Variants in FBH1 observed in about 807,000 individuals in gnomAD.
FBH1 encodes the protein DNA 3'-5' helicase 1.
Under a neutral mutation model 115.5 loss-of-function variants are expected in FBH1, and 43 were observed. That is an observed-to-expected ratio of 0.37 (90% confidence interval 0.29 to 0.48). The LOEUF (loss-of-function observed/expected upper bound fraction) is 0.48, where lower values mean the gene tolerates loss of function less well. FBH1 is among the 20% of genes least tolerant of loss of function. The pLI is 0.99. For missense variants in FBH1, 1,001 were observed against 1,337.3 expected (o/e 0.75, Z 3.92); for synonymous variants, 524 against 507.8 (o/e 1.03, Z -0.43).
Position 5,906,120 on chromosome 10 carries a change from G to C in FBH1, c.241G>C (p.Val81Leu). ...CTNDMAKSNS[V>L]GQDSCQDSEG... ...CAATGACATGGCCAAAAGCAATTCT[G>C]TTGGCCAGGACAGCTGTCAGGACTC... The change falls in exon 3 of 21, where the codon GTT becomes CTT. Residue 81 changes from valine (V) to leucine (L), a missense_variant. Physicochemically the swap from Val to Leu is conservative, Grantham distance 32 (BLOSUM62 1). This residue lies in a region of FBH1 where 420 missense variants were observed against 430.4 expected (regional missense o/e 0.98). Transcript: ENST00000362091. The surrounding 1 kb of genome is among the most constrained non-coding windows in gnomAD (Gnocchi z 7.3). 1 of 1,614,146 alleles carries C rather than the reference G, an allele frequency of 6.2e-7. No homozygotes were observed. Among genetic ancestry groups the C allele is most frequent in the Admixed American group, 1.7e-5 (1 of 60,014 alleles).
chr10:5,930,042 G>A (rs2132109050), intron 19 of FBH1, among the ~76,000 whole-genome samples: 1 of 152,008 alleles, frequency 6.6e-6, no homozygotes, highest in South Asian at 2.1e-4. Context: ...GGCTACACAG[G>A]ACTTTTTGTT....
chr10:5,926,154 T>C (rs1319175242), intron 18 of FBH1, among the ~76,000 whole-genome samples: 1 of 152,188 alleles, frequency 6.6e-6, no homozygotes, highest in Non-Finnish European at 1.5e-5. Context: ...GGAGTCTCAC[T>C]CTGTCACCCA....
chr10:5,919,908 T>G (rs577015164), intron 13 of FBH1, among the ~76,000 whole-genome samples: 1 of 152,354 alleles, frequency 6.6e-6, no homozygotes, highest in East Asian at 1.9e-4. Flanking sequence ...CAGTTTCCCA[T>G]TACTAACATC....
intron 1 of FBH1, among the ~76,000 whole-genome samples, chr10:5,890,562 A>G (rs960517102): frequency 1.0e-4 from 15 of 149,912 alleles, no homozygotes; most frequent in African/African-American, 3.4e-4. Context: ...GGGGGAGGCC[A>G]GGGCGCTCAC....
chr10:5,902,505 C>A (rs1431905373), intron 1 of FBH1, among the ~76,000 whole-genome samples: 1 of 152,032 alleles, frequency 6.6e-6, no homozygotes, highest in East Asian at 1.9e-4. Context: ...TTTGCTGTGT[C>A]GCCCAGATTG....
rs1831409404 is a variant in FBH1 at position 5,909,249 on chromosome 10, G to T, written c.975G>T (p.Glu325Asp). ...LRDHPLLPEA[E>D]ACVRQHLPDL... ...ACCACCCCCTCCTCCCCGAGGCTGAGGCGTGTGTGCGGCAACACCTCCCCG... is the reference window on the plus strand; with the variant it reads ...ACCACCCCCTCCTCCCCGAGGCTGATGCGTGTGTGCGGCAACACCTCCCCG... Residue 325 changes from glutamate to aspartate, a missense_variant, in exon 5 of 21, where the codon GAG (glutamate) becomes GAT (aspartate). By Grantham distance (45) the Glu-to-Asp change is conservative. Transcript: ENST00000362091. The surrounding 1 kb of genome is among the most constrained non-coding windows in gnomAD (Gnocchi z 4.4). The T allele has an allele frequency of 6.2e-7, 1 of 1,612,814 alleles. No individual in the cohort carries two copies. Among genetic ancestry groups the T allele is most frequent in the African/African-American group, 1.3e-5 (1 of 74,938 alleles).
intron 1 of FBH1, among the ~76,000 whole-genome samples, chr10:5,898,180 A>G (rs1414319605): frequency 6.6e-6 from 1 of 152,224 alleles, no homozygotes; most frequent in Non-Finnish European, 1.5e-5. Context: ...TGGGCCGCTT[A>G]TAAGCAGAAG....
Position 5,895,198 on chromosome 10 carries a change from T to C in FBH1, c.1+4852T>C. 1 of 1,609,850 alleles carries C rather than the reference T, an allele frequency of 6.2e-7. No homozygotes were observed. Among genetic ancestry groups the C allele is most frequent in the Non-Finnish European group, 8.5e-7 (1 of 1,177,168 alleles). ...CAGAGCACGCTGAAAGTAAGAGGCA[T>C]GTGGGAAACTGACCAGGGCGGTTAG... On this transcript the variant is annotated intron_variant, in intron 1 of 20. Coordinates refer to ENST00000362091, the MANE Select transcript of FBH1 (RefSeq NM_178150.3). The surrounding 1 kb of genome is among the most constrained non-coding windows in gnomAD (Gnocchi z 5.0).
rs578094620 is a variant in FBH1, at chr10:5,935,583, G to C, written c.2830-873G>C. The C allele has an allele frequency of 6.6e-6, 1 of 152,354 alleles. No homozygotes were observed. The highest frequency in any genetic ancestry group is 1.9e-4 in the East Asian group (1 of 5,186). The allele number at this position is 152,354 out of a possible 1,614,324, so 9.4% of individuals were successfully genotyped here. A position where few individuals can be genotyped will look rare whatever the true frequency, so the allele number is the denominator to read the frequency against. On this transcript the variant is annotated intron_variant, in intron 19 of 20. Coordinates refer to ENST00000362091, the MANE Select transcript of FBH1 (RefSeq NM_178150.3). The surrounding 1 kb of genome is among the most constrained non-coding windows in gnomAD (Gnocchi z 5.2). ...TTCACCTCGTCAGCTGTTAGTACTTGTTGGCCATAACTGGAGTGTTTGCCT... is the reference window on the plus strand; with the variant it reads ...TTCACCTCGTCAGCTGTTAGTACTTCTTGGCCATAACTGGAGTGTTTGCCT...
At chr10:5,890,743 C>T (rs975718395) in intron 1 of FBH1, among the ~76,000 whole-genome samples, 16 of 152,136 alleles carry the variant, frequency 1.1e-4, no homozygotes, top group African/African-American at 1.7e-4. Flanking sequence ...TTTTCGCTGC[C>T]CTCTGCCCCT....
rs761236842 is a variant in FBH1 at position 5,921,424 on chromosome 10, A to G, written c.2201-24A>G. On this transcript the variant is annotated intron_variant, in intron 14 of 20. Transcript: ENST00000362091. This position sits in a 1 kb window ranked among gnomAD's most constrained non-coding sequence, Gnocchi z 6.4. ...TTTCCTCTTTATTTCAATTTGCCATAGAGTTTGTGCTCTCTCCCTAAAGGT... is the reference window on the plus strand; with the variant it reads ...TTTCCTCTTTATTTCAATTTGCCATGGAGTTTGTGCTCTCTCCCTAAAGGT... 1.1e-5 allele frequency: 18 copies of G among 1,610,252 alleles called. No individual in the cohort carries two copies. The highest frequency in any genetic ancestry group is 1.4e-5 in the Non-Finnish European group (17 of 1,178,782).
upstream of FBH1, chr10:5,890,238 T>C: frequency 2.8e-6 from 1 of 358,618 alleles, no homozygotes; most frequent in Non-Finnish European, 5.2e-6. Flanking sequence ...CGTCTCGGGC[T>C]CCAGGTCCCG....
In FBH1 at chr10:5,911,208, T is replaced by A; in HGVS notation, c.1211+80T>A. 7.3e-7 allele frequency: 1 copy of A among 1,373,422 alleles called. No homozygotes were observed. Among genetic ancestry groups the A allele is most frequent in the Non-Finnish European group, 1.0e-6 (1 of 1,001,268 alleles). 85.1% of individuals were successfully genotyped at this position (1,373,422 alleles called of 1,614,324 possible). On this transcript the variant is annotated intron_variant, in intron 6 of 20. Coordinates refer to ENST00000362091, the MANE Select transcript of FBH1 (RefSeq NM_178150.3). The surrounding 1 kb of genome is among the most constrained non-coding windows in gnomAD (Gnocchi z 5.4). Reference sequence around the variant, plus strand: ...ACAGCAGCAGGTCCAGCCCTGCCACTTAGCAGTGTTAGCACCTGGCAGGCT... The same window carrying A: ...ACAGCAGCAGGTCCAGCCCTGCCACATAGCAGTGTTAGCACCTGGCAGGCT...
rs1201562255 is a variant in FBH1, at chr10:5,917,934, G to A, written c.1963+258G>A. ...GCAGACGACAGGGACCTAGACTCAT[G>A]CTCTGTGGGAAGAGATCGTCCATTG... On this transcript the variant is annotated intron_variant, in intron 12 of 20. Transcript: ENST00000362091. This position sits in a 1 kb window ranked among gnomAD's most constrained non-coding sequence, Gnocchi z 5.6. Among the ~76,000 whole-genome samples, 1 of 152,218 alleles carries A rather than the reference G, an allele frequency of 6.6e-6. No homozygotes were observed. The highest frequency in any genetic ancestry group is 1.5e-5 in the Non-Finnish European group (1 of 68,036).
In FBH1 at chr10:5,909,240, C is replaced by G. The variant is rs41306405; in HGVS notation, c.966C>G (p.Pro322=). The change falls in exon 5 of 21, where the codon CCC becomes CCG. Residue 322 remains proline (P), a synonymous_variant. Coordinates refer to ENST00000362091, the MANE Select transcript of FBH1 (RefSeq NM_178150.3). The surrounding 1 kb of genome is among the most constrained non-coding windows in gnomAD (Gnocchi z 4.4). Reference sequence around the variant, plus strand: ...GTCTGAGGGACCACCCCCTCCTCCCCGAGGCTGAGGCGTGTGTGCGGCAAC... The same window carrying G: ...GTCTGAGGGACCACCCCCTCCTCCCGGAGGCTGAGGCGTGTGTGCGGCAAC... The part of the protein sequence containing the change: ...LWSLRDHPLL[P]EAEACVRQHL... 2 of 1,613,190 alleles carry G rather than the reference C, an allele frequency of 1.2e-6. No individual in the cohort carries two copies. The highest frequency in any genetic ancestry group is 1.7e-6 in the Non-Finnish European group (2 of 1,180,024).
rs528152332 is a variant in FBH1, at chr10:5,915,640, G to A, written c.1565+69G>A. ...TCGCGTCTTACTGTTTTCCCGTGAC[G>A]ATCACATGTGAGCTTACACCACAGT... On this transcript the variant is annotated intron_variant, in intron 9 of 20. Transcript: ENST00000362091. This position sits in a 1 kb window ranked among gnomAD's most constrained non-coding sequence, Gnocchi z 5.2. 2.8e-6 allele frequency: 4 copies of A among 1,441,318 alleles called. No individual in the cohort carries two copies. Among genetic ancestry groups the A allele is most frequent in the East Asian group, 2.3e-5 (1 of 43,770 alleles). The allele number at this position is 1,441,318 out of a possible 1,614,324, so 89.3% of individuals were successfully genotyped here.
rs879119441 is a variant in FBH1 at position 5,905,972 on chromosome 10, G to A, written c.158-65G>A. Reference sequence around the variant, plus strand: ...AATTGAAAATTAGTGTGTCTTATATGGATTAACAGCAGGTCAACAGTCATC... The same window carrying A: ...AATTGAAAATTAGTGTGTCTTATATAGATTAACAGCAGGTCAACAGTCATC... On this transcript the variant is annotated intron_variant, in intron 2 of 20. Transcript: ENST00000362091. 2.3e-5 allele frequency: 27 copies of A among 1,176,582 alleles called. No individual in the cohort carries two copies. In the South Asian group the frequency reaches 3.3e-4, roughly 15 times the overall value. 72.9% of individuals were successfully genotyped at this position (1,176,582 alleles called of 1,614,324 possible). A position where few individuals can be genotyped will look rare whatever the true frequency, so the allele number is the denominator to read the frequency against.
Position 5,910,174 on chromosome 10 carries a change from C to T in FBH1, c.1021-764C>T, listed in dbSNP as rs1270124394. On this transcript the variant is annotated intron_variant, in intron 5 of 20. Transcript: ENST00000362091. This position sits in a 1 kb window ranked among gnomAD's most constrained non-coding sequence, Gnocchi z 4.8. Reference sequence around the variant, plus strand: ...GCATGTGCCTGTAGTACTGGCTACTCTGGAGGCTGAGACAAGCAAATTGCT... The same window carrying T: ...GCATGTGCCTGTAGTACTGGCTACTTTGGAGGCTGAGACAAGCAAATTGCT... Among the ~76,000 whole-genome samples, 1 of 151,924 alleles carries T rather than the reference C, an allele frequency of 6.6e-6. No individual in the cohort carries two copies. Among genetic ancestry groups the T allele is most frequent in the Non-Finnish European group, 1.5e-5 (1 of 68,018 alleles).
At position 5,911,262 on chromosome 10, in the gene FBH1, C is replaced by T. The variant is rs1831572634; in HGVS notation, c.1211+134C>T. The T allele has an allele frequency of 1.1e-5, 9 of 827,062 alleles. No individual in the cohort carries two copies. Among genetic ancestry groups the T allele is most frequent in the Non-Finnish European group, 1.5e-5 (8 of 538,010 alleles). The allele number at this position is 827,062 out of a possible 1,614,324, so 51.2% of individuals were successfully genotyped here. On this transcript the variant is annotated intron_variant, in intron 6 of 20. Transcript: ENST00000362091. The surrounding 1 kb of genome is among the most constrained non-coding windows in gnomAD (Gnocchi z 5.4). ...GGACCCACCTGCTCCACCTCAGTGT[C>T]ATCTTCTGCAGGAGCCAGGGGCTGA...
Sources: gnomAD v4.1 joint callset for allele counts (sites outside exome capture counted in the v4.1 genomes callset) on GRCh38, gnomAD v4.1.1 for gene constraint, gnomAD v4.1.1 regional missense constraint, Gnocchi (gnomAD v3.1) non-coding constraint, MANE v1.5 for transcripts, NCBI Gene and HGNC (gene_info 2026-07-23, HGNC 2026-07-21) for gene names.